The following CSMD1 variants were observed in gnomAD, a reference collection of about 807,000 sequenced individuals.
CSMD1 encodes the protein CUB and Sushi multiple domains 1.
A neutral mutation model predicts 417.5 loss-of-function variants in CSMD1; 213 were observed. The observed-to-expected ratio is 0.51, with a 90% CI of 0.46 to 0.57. The LOEUF (loss-of-function observed/expected upper bound fraction) is 0.57. CSMD1 is among the 20% of genes least tolerant of loss of function. The pLI is 0.00. For missense variants in CSMD1, 6,923 were observed against 4,529.7 expected (o/e 1.53, Z -15.17); for synonymous variants, 2,862 against 1,736.8 (o/e 1.65, Z -16.11).
chr8:3,527,673 G>A (rs1466522246), intron 10 of CSMD1, among the ~76,000 whole-genome samples: 1 of 152,118 alleles, frequency 6.6e-6, no homozygotes, highest in African/African-American at 2.4e-5. Context: ...TTGCCAATTT[G>A]CTGGCTCTGC....
At chr8:3,814,412 C>G (rs548932068) in intron 5 of CSMD1, among the ~76,000 whole-genome samples, 2 of 152,302 alleles carry the variant, frequency 1.3e-5, no homozygotes, top group South Asian at 4.1e-4. Flanking sequence ...AACTTAAAAA[C>G]AAACACCTGT....
intron 6 of CSMD1, among the ~76,000 whole-genome samples, chr8:3,747,416 AT>A (rs33946651): frequency 6.6e-5 from 10 of 150,622 alleles, no homozygotes; most frequent in South Asian, 2.1e-4. Context: ...TAGACACAGT[AT>A]TTTTTTTTTA....
In CSMD1 at chr8:4,395,391, G is replaced by A. The variant is rs141105194; in HGVS notation, c.415+24562C>T. On this transcript the variant is annotated intron_variant, in intron 3 of 69. Coordinates refer to ENST00000635120, the MANE Select transcript of CSMD1 (RefSeq NM_033225.6). ...GTAGTCCCAATATCTGGTCCAGCTAGCCAGGCTCCAGAAGCGCTAAAGAAT... is the reference window on the plus strand; with the variant it reads ...GTAGTCCCAATATCTGGTCCAGCTAACCAGGCTCCAGAAGCGCTAAAGAAT... Among the ~76,000 whole-genome samples, 338 of 152,186 alleles carry A rather than the reference G, an allele frequency of 2.2e-3. 2 individuals carry two copies. The Middle Eastern group carries it at 0.037, about 17-fold the overall frequency.
chr8:3,799,727 C>A (rs546921944), intron 5 of CSMD1, among the ~76,000 whole-genome samples: 11 of 152,026 alleles, frequency 7.2e-5, no homozygotes, highest in Non-Finnish European at 1.3e-4. Context: ...ACATTCTGTG[C>A]ATTGTTTTAT....
At chr8:4,306,292 A>G (rs76330523) in intron 3 of CSMD1, among the ~76,000 whole-genome samples, 2 of 151,916 alleles carry the variant, frequency 1.3e-5, no homozygotes, top group African/African-American at 4.8e-5. Flanking sequence ...AATAGACACT[A>G]AATAATATAT....
intron 1 of CSMD1, among the ~76,000 whole-genome samples, chr8:4,839,848 C>G (rs1403294289): frequency 2.0e-5 from 3 of 152,142 alleles, no homozygotes; most frequent in Non-Finnish European, 2.9e-5. Flanking sequence ...TGTTTGCATG[C>G]TAGAATGTAT....
intron 12 of CSMD1, among the ~76,000 whole-genome samples, chr8:3,426,155 C>G (rs1813825157): frequency 6.6e-6 from 1 of 152,184 alleles, no homozygotes; most frequent in Admixed American, 6.5e-5. Context: ...CTAATACTTT[C>G]CTTTCAATAA....
chr8:3,815,668 C>G (rs1801331115), intron 5 of CSMD1, among the ~76,000 whole-genome samples: 1 of 151,092 alleles, frequency 6.6e-6, no homozygotes, highest in Non-Finnish European at 1.5e-5. Context: ...AGACAATATC[C>G]TCCCAGTCTC....
intron 49 of CSMD1, among the ~76,000 whole-genome samples, chr8:3,073,546 T>G (rs988498809): frequency 2.6e-5 from 4 of 152,138 alleles, no homozygotes; most frequent in Non-Finnish European, 4.4e-5. Flanking sequence ...TATGTATAAA[T>G]GAAATCATTC....
At chr8:3,499,345 C>A (rs1340159958) in intron 10 of CSMD1, among the ~76,000 whole-genome samples, 1 of 152,004 alleles carries the variant, frequency 6.6e-6, no homozygotes, top group African/African-American at 2.4e-5. Context: ...CAGATGGAGA[C>A]TTTGGGGTGG....
chr8:3,182,047 A>C (rs774145262), intron 36 of CSMD1, among the ~76,000 whole-genome samples: 6 of 152,226 alleles, frequency 3.9e-5, no homozygotes, highest in Admixed American at 6.5e-5. Flanking sequence ...GACATACTCG[A>C]TGTCAAAGAA....
chr8:3,175,370 G>A (rs1239322848), intron 37 of CSMD1, among the ~76,000 whole-genome samples: 1 of 152,066 alleles, frequency 6.6e-6, no homozygotes, highest in African/African-American at 2.4e-5. Flanking sequence ...TATTGTAAAT[G>A]TGATACTGCA....
chr8:3,620,643 A>G lies in CSMD1; in HGVS notation c.1010-3846T>C, dbSNP rs564274786. On this transcript the variant is annotated intron_variant, in intron 7 of 69. Transcript: ENST00000635120. ...TATGTTATCTCCATGGAAACCATAA[A>G]GAAAGTATCTATAGAATATGTAAAA... Among the ~76,000 whole-genome samples, 4 of 152,304 alleles carry G rather than the reference A, an allele frequency of 2.6e-5. No homozygotes were observed. The South Asian group carries it at 8.3e-4, about 32-fold the overall frequency.
chr8:4,295,533 T>C (rs1017012979), intron 3 of CSMD1, among the ~76,000 whole-genome samples: 1 of 144,730 alleles, frequency 6.9e-6, no homozygotes. Flanking sequence ...ATATTACATA[T>C]ATTATAAATA....
intron 3 of CSMD1, among the ~76,000 whole-genome samples, chr8:4,145,617 C>G (rs528720552): frequency 6.6e-6 from 1 of 150,932 alleles, no homozygotes; most frequent in Non-Finnish European, 1.5e-5. Context: ...TCAAAGTCCT[C>G]GGCTCAAGCG....
chr8:3,125,544 AAAGCCACG>A (rs1817458479), intron 41 of CSMD1, among the ~76,000 whole-genome samples: 1 of 152,166 alleles, frequency 6.6e-6, no homozygotes. Context: ...AAGGGTGGTA[AAAGCCACG>A]ATTATCAAAC....
intron 5 of CSMD1, among the ~76,000 whole-genome samples, chr8:3,875,688 G>C (rs1188880550): frequency 6.6e-6 from 1 of 152,170 alleles, no homozygotes; most frequent in East Asian, 1.9e-4. Context: ...CTCTGGCTGA[G>C]GTCTAGGGAG....
intron 1 of CSMD1, among the ~76,000 whole-genome samples, chr8:4,903,016 TAAATAAA>T (rs940548393): frequency 6.8e-4 from 29 of 42,488 alleles, no homozygotes; most frequent in Middle Eastern, 0.026. Flanking sequence ...TAATAATAAA[TAAATAAA>T]TAAATAAATA....
intron 5 of CSMD1, among the ~76,000 whole-genome samples, chr8:3,851,139 C>A (rs1803878075): frequency 6.6e-6 from 1 of 152,134 alleles, no homozygotes; most frequent in South Asian, 2.1e-4. Flanking sequence ...AATAAGATTT[C>A]TGAGGAGCTA....
Sources: gnomAD v4.1 joint callset for allele counts (sites outside exome capture counted in the v4.1 genomes callset) on GRCh38, gnomAD v4.1.1 for gene constraint, MANE v1.5 for transcripts, NCBI Gene and HGNC (gene_info 2026-07-23, HGNC 2026-07-21) for gene names.